Variants in STRN3 observed in about 807,000 individuals in gnomAD.
The protein encoded by STRN3 is striatin-3.
In STRN3, 29 loss-of-function variants were observed where a neutral mutation model predicts 95.6. The observed-to-expected ratio is 0.30, with a 90% CI of 0.23 to 0.41. The LOEUF (loss-of-function observed/expected upper bound fraction) is 0.41, where lower values mean the gene tolerates loss of function less well. Among genes scored for constraint, STRN3 ranks in the 10% least tolerant of loss-of-function variants. The pLI is 1.00. For synonymous variants in STRN3, 331 were observed against 357.6 expected (o/e 0.93, Z 0.84); for missense variants, 890 against 972.1 (o/e 0.92, Z 1.12).
chr14:30,899,542 A>G (rs920075534), intron 16 of STRN3, among the ~76,000 whole-genome samples: 7 of 152,246 alleles, frequency 4.6e-5, no homozygotes, highest in Admixed American at 3.9e-4. Context: ...GTCCTCCTCA[A>G]TAGATTCTAT....
At chr14:30,984,148 C>G (rs901749419) in intron 1 of STRN3, among the ~76,000 whole-genome samples, 8 of 129,792 alleles carry the variant, frequency 6.2e-5, no homozygotes, top group Non-Finnish European at 1.2e-4. Context: ...CCCCCCCCCA[C>G]ACACAAAGGC....
At chr14:30,952,469 G>A (rs962816841) in intron 3 of STRN3, among the ~76,000 whole-genome samples, 10 of 152,122 alleles carry the variant, frequency 6.6e-5, no homozygotes, top group Non-Finnish European at 1.2e-4. Context: ...GGAGGCCAAG[G>A]CAGGTGGGTC....
At chr14:30,980,733 T>C (rs1215940068) in intron 1 of STRN3, among the ~76,000 whole-genome samples, 1 of 152,120 alleles carries the variant, frequency 6.6e-6, no homozygotes. Flanking sequence ...AAACAGTATC[T>C]TGCTTTGACA....
At chr14:30,901,802 G>C (rs1896322773) in intron 16 of STRN3, among the ~76,000 whole-genome samples, 1 of 152,090 alleles carries the variant, frequency 6.6e-6, no homozygotes, top group Non-Finnish European at 1.5e-5. Context: ...CCTACAACAA[G>C]AAATACAGGG....
At chr14:30,955,903 CTT>C (rs1392982314) in intron 2 of STRN3, among the ~76,000 whole-genome samples, 8 of 152,024 alleles carry the variant, frequency 5.3e-5, no homozygotes, top group East Asian at 1.9e-4. Context: ...ATCAATTATC[CTT>C]TGTCTTTTTT....
chr14:30,950,770 G>A (rs1879598641), intron 4 of STRN3, 93 bp downstream of exon 4: 1 of 1,183,258 alleles, frequency 8.5e-7, no homozygotes, highest in Non-Finnish European at 1.2e-6. Flanking sequence ...CATACACATT[G>A]TCCCAATATG....
chr14:30,917,169 A>G (rs1179537268), intron 9 of STRN3, among the ~76,000 whole-genome samples: 3 of 152,210 alleles, frequency 2.0e-5, no homozygotes, highest in African/African-American at 7.2e-5. Context: ...ACCTCTTTAA[A>G]TAACAAATTC....
In STRN3 at chr14:30,919,372, T is replaced by C. The variant is rs553775349; in HGVS notation, c.1100-266A>G. On this transcript the variant is annotated intron_variant, in intron 8 of 17. Transcript: ENST00000357479. ...GTCTCTCTCTAAAGAGATATATATATATATATATATCTCCACAGAATACTT... is the reference window on the plus strand; with the variant it reads ...GTCTCTCTCTAAAGAGATATATATACATATATATATCTCCACAGAATACTT... Among the ~76,000 whole-genome samples the C allele has an allele frequency of 7.9e-5, 12 of 151,638 alleles. No homozygotes were observed. In the East Asian group the frequency reaches 2.3e-3, roughly 29 times the overall value.
At position 30,977,806 on chromosome 14, in the gene STRN3, A is replaced by C. The variant is rs992302916; in HGVS notation, c.283-21564T>G. Among the ~76,000 whole-genome samples, 87 of 151,452 alleles carry C rather than the reference A, an allele frequency of 5.7e-4. 2 individuals are homozygous for C. In the South Asian group the frequency reaches 6.9e-3, roughly 12 times the overall value. ...AAGACTCTATCTCGAAAAAAAAAAA[A>C]AAAAAAAAAAACATGAAAGAAGGGT... On this transcript the variant is annotated intron_variant, in intron 1 of 17. Coordinates refer to ENST00000357479, the MANE Select transcript of STRN3 (RefSeq NM_001083893.2).
At chr14:31,024,832 C>T (rs574763061) in intron 1 of STRN3, among the ~76,000 whole-genome samples, 1 of 152,274 alleles carries the variant, frequency 6.6e-6, no homozygotes, top group African/African-American at 2.4e-5. Flanking sequence ...CACGCTTTTT[C>T]CTTCTAAGCC....
At chr14:30,946,747 G>C (rs939862531) in intron 5 of STRN3, among the ~76,000 whole-genome samples, 14 of 152,190 alleles carry the variant, frequency 9.2e-5, no homozygotes, top group Non-Finnish European at 1.9e-4. Flanking sequence ...GGAGGCCAAG[G>C]CAGGTGGATC....
rs10585744 is a variant in STRN3, at chr14:30,979,033, C to CAA, written c.283-22793_283-22792dup. Among the ~76,000 whole-genome samples the CAA allele has an allele frequency of 6.3e-4, 41 of 65,474 alleles. 1 individual carries two copies. The highest frequency in any genetic ancestry group is 2.5e-3 in the African/African-American group (38 of 15,074). The allele number at this position is 65,474 out of a possible 152,430, so 43.0% of individuals were successfully genotyped here. A position where few individuals can be genotyped will look rare whatever the true frequency, so the allele number is the denominator to read the frequency against. ...TGGGCAACAGTGTGAGACTCCATCT[C>CAA]AAAAAAAAAAAAAAAAAAAAAAAAA... is the stretch of plus-strand genomic sequence containing the variant. On this transcript the variant is annotated intron_variant, in intron 1 of 17. Coordinates refer to ENST00000357479, the MANE Select transcript of STRN3 (RefSeq NM_001083893.2).
rs749795342 is a variant in STRN3 at position 30,907,053 on chromosome 14, A to AAAAC, written c.1721-13_1721-10dup. 1 of 1,594,958 alleles carries AAAAC rather than the reference A, an allele frequency of 6.3e-7. No individual in the cohort carries two copies. Among genetic ancestry groups the AAAAC allele is most frequent in the African/African-American group, 1.4e-5 (1 of 73,688 alleles). ...AGCTAGAACATTTGGCTCTGGGGAAAAAACAAACAAACAAAAAATTAGGTA... is the reference window on the plus strand; with the variant it reads ...AGCTAGAACATTTGGCTCTGGGGAAAAAACAAACAAACAAACAAAAAATTAGGTA... On this transcript the variant is annotated splice_polypyrimidine_tract_variant and intron_variant, in intron 13 of 17. Coordinates refer to ENST00000357479, the MANE Select transcript of STRN3 (RefSeq NM_001083893.2).
At chr14:30,927,073 G>A (rs1270241793) in intron 8 of STRN3, among the ~76,000 whole-genome samples, 1 of 152,136 alleles carries the variant, frequency 6.6e-6, no homozygotes, top group Non-Finnish European at 1.5e-5. Context: ...AAAAGCTGAG[G>A]TGGAAGAATG....
chr14:30,901,931 G>GATC (rs1227262830), intron 16 of STRN3, among the ~76,000 whole-genome samples: 1 of 151,966 alleles, frequency 6.6e-6, no homozygotes, highest in South Asian at 2.1e-4. Context: ...ACTTTGGGAG[G>GATC]CCAAGGCAGG....
At chr14:30,944,493 CAT>C (rs1201911447) in intron 5 of STRN3, among the ~76,000 whole-genome samples, 4 of 146,378 alleles carry the variant, frequency 2.7e-5, no homozygotes, top group South Asian at 2.3e-4. Flanking sequence ...AATATATACA[CAT>C]ATATATACAT....
intron 5 of STRN3, among the ~76,000 whole-genome samples, chr14:30,944,495 T>C (rs976849362): frequency 2.7e-5 from 4 of 148,568 alleles, no homozygotes; most frequent in African/African-American, 7.4e-5. Context: ...TATATACACA[T>C]ATATATACAT....
intron 5 of STRN3, among the ~76,000 whole-genome samples, chr14:30,940,099 T>G (rs907373582): frequency 1.3e-5 from 2 of 152,148 alleles, no homozygotes; most frequent in Non-Finnish European, 2.9e-5. Context: ...CCAGCAGAAC[T>G]GTACATCTCC....
intron 9 of STRN3, among the ~76,000 whole-genome samples, chr14:30,914,039 A>T (rs768605357): frequency 6.6e-6 from 1 of 152,120 alleles, no homozygotes; most frequent in Non-Finnish European, 1.5e-5. Flanking sequence ...ATGAGGGGAA[A>T]CCTCTACCAT....
Sources: gnomAD v4.1 joint callset for allele counts (sites outside exome capture counted in the v4.1 genomes callset) on GRCh38, gnomAD v4.1.1 for gene constraint, MANE v1.5 for transcripts, NCBI Gene and HGNC (gene_info 2026-07-23, HGNC 2026-07-21) for gene names.